Variants in LRRC3B observed in about 807,000 individuals in gnomAD.
LRRC3B encodes the protein leucine-rich repeat-containing protein 3B.
LRRC3B carries 2 observed loss-of-function variants against 12.8 expected under a neutral mutation model. That is an observed-to-expected ratio of 0.16 (90% CI 0.06 to 0.49). LRRC3B has a LOEUF of 0.49. Among genes scored for constraint, LRRC3B ranks in the 20% least tolerant of loss-of-function variants. LRRC3B has a pLI of 0.96. For missense variants in LRRC3B, 189 were observed against 319.4 expected (o/e 0.59, Z 3.11); for synonymous variants, 132 against 122.0 (o/e 1.08, Z -0.54).
chr3:26,633,132 A>C (rs899258660), intron 1 of LRRC3B, among the ~76,000 whole-genome samples: 1 of 152,088 alleles, frequency 6.6e-6, no homozygotes, highest in Non-Finnish European at 1.5e-5. Context: ...TATTGCTGAC[A>C]GTTTATCTGT....
intron 1 of LRRC3B, among the ~76,000 whole-genome samples, chr3:26,676,178 A>G (rs1251346414): frequency 4.0e-5 from 6 of 151,352 alleles, no homozygotes; most frequent in Non-Finnish European, 7.4e-5. Flanking sequence ...GGTGTGCTGC[A>G]CCCATTAACT....
intron 1 of LRRC3B, among the ~76,000 whole-genome samples, chr3:26,706,770 A>C (rs560359507): frequency 3.5e-4 from 54 of 152,292 alleles, no homozygotes; most frequent in East Asian, 2.7e-3. Flanking sequence ...TCTTCTTTCC[A>C]TCTCCTAGGA....
intron 1 of LRRC3B, among the ~76,000 whole-genome samples, chr3:26,631,640 T>C (rs911794168): frequency 5.3e-5 from 8 of 152,292 alleles, no homozygotes; most frequent in Middle Eastern, 3.4e-3. Flanking sequence ...TTTGATGAAA[T>C]AGAACCTGCT....
intron 1 of LRRC3B, among the ~76,000 whole-genome samples, chr3:26,637,188 C>G (rs1698920269): frequency 6.6e-6 from 1 of 151,722 alleles, no homozygotes; most frequent in African/African-American, 2.4e-5. Flanking sequence ...CAGGGTTTCA[C>G]TGTGTTGGCC....
rs1047450366 is a variant in LRRC3B at position 26,710,672 on chromosome 3, T to G, written c.*220T>G. 9.0e-6 allele frequency: 4 copies of G among 442,042 alleles called. No individual in the cohort carries two copies. In the Admixed American group the frequency reaches 1.5e-4, roughly 17 times the overall value. 27.4% of individuals were successfully genotyped at this position (442,042 alleles called of 1,614,324 possible). Reference sequence around the variant, plus strand: ...GTACCCCCGATGGTATATTTCTGAGTAAGCTACTATCTGAACATTAGTTAG... The same window carrying G: ...GTACCCCCGATGGTATATTTCTGAGGAAGCTACTATCTGAACATTAGTTAG... On this transcript the variant is annotated 3_prime_UTR_variant, in exon 2 of 2. Transcript: ENST00000396641.
chr3:26,703,409 C>G (rs1452259441), intron 1 of LRRC3B, among the ~76,000 whole-genome samples: 1 of 152,060 alleles, frequency 6.6e-6, no homozygotes, highest in South Asian at 2.1e-4. Flanking sequence ...ACCACCATCC[C>G]TTGCTTTTGA....
intron 1 of LRRC3B, among the ~76,000 whole-genome samples, chr3:26,647,652 A>G (rs1274530667): frequency 6.6e-6 from 1 of 152,212 alleles, no homozygotes; most frequent in African/African-American, 2.4e-5. Flanking sequence ...CTCTAAAGAT[A>G]CGGCGTTTCT....
chr3:26,638,409 C>T (rs993387627), intron 1 of LRRC3B, among the ~76,000 whole-genome samples: 28 of 151,662 alleles, frequency 1.8e-4, no homozygotes, highest in African/African-American at 4.4e-4. Context: ...TAAGGGTCAA[C>T]GGAAAAAAAA....
intron 1 of LRRC3B, among the ~76,000 whole-genome samples, chr3:26,664,630 G>T (rs1699561800): frequency 6.6e-6 from 1 of 152,124 alleles, no homozygotes; most frequent in Non-Finnish European, 1.5e-5. Context: ...CTGGTTGGGT[G>T]GTGGGGAAGT....
intron 1 of LRRC3B, among the ~76,000 whole-genome samples, chr3:26,669,889 G>A (rs1022222637): frequency 6.6e-6 from 1 of 152,184 alleles, no homozygotes; most frequent in African/African-American, 2.4e-5. Context: ...CTTCCTTGAG[G>A]ATGGGGACTG....
exon 2 of LRRC3B, chr3:26,710,205 A>G (rs1700715827): frequency 6.2e-7 from 1 of 1,613,676 alleles, no homozygotes. Flanking sequence ...TCCGTGTTGG[A>G]TGAACATGCT....
At chr3:26,658,931 C>T (rs954417287) in intron 1 of LRRC3B, among the ~76,000 whole-genome samples, 16 of 152,170 alleles carry the variant, frequency 1.1e-4, no homozygotes, top group Admixed American at 3.3e-4. Flanking sequence ...CAGCTGTATG[C>T]GGATCTGCAG....
At chr3:26,666,026 A>G (rs1214917663) in intron 1 of LRRC3B, among the ~76,000 whole-genome samples, 5 of 152,216 alleles carry the variant, frequency 3.3e-5, no homozygotes, top group African/African-American at 4.8e-5. Flanking sequence ...ATTCAAATCA[A>G]TTTAACAGAA....
intron 1 of LRRC3B, among the ~76,000 whole-genome samples, chr3:26,647,965 A>G (rs1449162406): frequency 6.6e-6 from 1 of 152,142 alleles, no homozygotes; most frequent in Non-Finnish European, 1.5e-5. Flanking sequence ...TGCAGAGGAG[A>G]GTTCAGCTTG....
chr3:26,686,159 A>G (rs997139382), intron 1 of LRRC3B, among the ~76,000 whole-genome samples: 5 of 151,926 alleles, frequency 3.3e-5, no homozygotes, highest in Admixed American at 6.5e-5. Context: ...GGCTCACTGC[A>G]AGCTCCGCCT....
intron 1 of LRRC3B, among the ~76,000 whole-genome samples, chr3:26,664,288 T>A (rs991822867): frequency 6.6e-6 from 1 of 152,090 alleles, no homozygotes; most frequent in Non-Finnish European, 1.5e-5. Context: ...CCAGGAGTTT[T>A]GGGTAACATT....
At position 26,687,872 on chromosome 3, in the gene LRRC3B, C is replaced by T. The variant is rs1575163445; in HGVS notation, c.-160-21641C>T. ...ATCCATAGTTTGAATAAGAATTAGC[C>T]TTGGCTCCTCTGCCTCCTGCAGCTT... is the stretch of plus-strand genomic sequence containing the variant. On this transcript the variant is annotated intron_variant, in intron 1 of 1. Coordinates refer to ENST00000396641, the Ensembl canonical transcript of LRRC3B. 2.0e-5 allele frequency among the ~76,000 whole-genome samples: 3 copies of T among 152,186 alleles called. No individual in the cohort carries two copies. The South Asian group carries it at 6.2e-4, about 31-fold the overall frequency.
At position 26,692,758 on chromosome 3, in the gene LRRC3B, G is replaced by T. The variant is rs78205284; in HGVS notation, c.-160-16755G>T. Among the ~76,000 whole-genome samples the T allele has an allele frequency of 0.011, 1,736 of 152,196 alleles. 78 individuals are homozygous for T. The East Asian group carries it at 0.16, about 14-fold the overall frequency. ...TAGCCATGTGTATCAGTTAGCTTTCGCTACATAACAAGTATTTACAAATTC... is the reference window on the plus strand; with the variant it reads ...TAGCCATGTGTATCAGTTAGCTTTCTCTACATAACAAGTATTTACAAATTC... On this transcript the variant is annotated intron_variant, in intron 1 of 1. Coordinates refer to ENST00000396641, the Ensembl canonical transcript of LRRC3B.
intron 1 of LRRC3B, among the ~76,000 whole-genome samples, chr3:26,645,903 C>G (rs922880735): frequency 6.6e-6 from 1 of 152,134 alleles, no homozygotes. Context: ...TTCCCCTAGC[C>G]TTTGAGTTTG....
Sources: gnomAD v4.1 joint callset for allele counts (sites outside exome capture counted in the v4.1 genomes callset) on GRCh38, gnomAD v4.1.1 for gene constraint, MANE v1.5 for transcripts, NCBI Gene and HGNC (gene_info 2026-07-23, HGNC 2026-07-21) for gene names.